The following PARD3 variants were observed in gnomAD, a reference collection of about 807,000 sequenced individuals.
The protein encoded by PARD3 is par-3 family cell polarity regulator, also known as partitioning defective 3 homolog.
In PARD3, 75 loss-of-function variants were observed where a neutral mutation model predicts 155.4. The ratio of observed to expected loss-of-function variants is 0.48; its 90% CI spans 0.40 to 0.58. The LOEUF is 0.58. PARD3 is among the 20% of genes least tolerant of loss of function. PARD3 has a pLI of 0.00. For missense variants in PARD3, 1,642 were observed against 1,721.7 expected, an observed-to-expected ratio of 0.95 and a Z score of 0.82; for synonymous variants, 576 against 610.5, an observed-to-expected ratio of 0.94 and a Z score of 0.83.
intron 12 of PARD3, among the ~76,000 whole-genome samples, chr10:34,362,046 C>A (rs184816259): frequency 1.3e-5 from 2 of 152,052 alleles, no homozygotes; most frequent in East Asian, 3.9e-4. Context: ...GGGAGGCCGA[C>A]GCAGGTGGAT....
chr10:34,423,067 C>T (rs2075403698), intron 5 of PARD3, among the ~76,000 whole-genome samples: 1 of 151,962 alleles, frequency 6.6e-6, no homozygotes, highest in Non-Finnish European at 1.5e-5. Context: ...TCAATAGACC[C>T]TGAATAAGAA....
At chr10:34,660,991 T>C (rs963638781) in intron 2 of PARD3, among the ~76,000 whole-genome samples, 2 of 152,186 alleles carry the variant, frequency 1.3e-5, no homozygotes, top group African/African-American at 2.4e-5. Context: ...GTAATGTAAA[T>C]AAATGTTACT....
At chr10:34,662,034 C>T (rs943202640) in intron 2 of PARD3, among the ~76,000 whole-genome samples, 1 of 152,152 alleles carries the variant, frequency 6.6e-6, no homozygotes, top group African/African-American at 2.4e-5. Flanking sequence ...CAGGCCTAAC[C>T]GTGAAGGCTA....
chr10:34,707,492 C>T (rs1020589276), intron 1 of PARD3, among the ~76,000 whole-genome samples: 1 of 152,068 alleles, frequency 6.6e-6, no homozygotes, highest in Non-Finnish European at 1.5e-5. Context: ...TTAAACTAGC[C>T]CTCCAGGTGT....
chr10:34,192,071 C>G (rs1363030884), intron 22 of PARD3, among the ~76,000 whole-genome samples: 1 of 151,868 alleles, frequency 6.6e-6, no homozygotes, highest in Non-Finnish European at 1.5e-5. Context: ...AAACCACTTT[C>G]CTGCTTGTTT....
rs150648422 is a variant in PARD3, at chr10:34,483,550, T to G, written c.404-13287A>C. Among the ~76,000 whole-genome samples the G allele has an allele frequency of 9.9e-5, 15 of 152,026 alleles. No homozygotes were observed. The East Asian group carries it at 2.9e-3, about 29-fold the overall frequency. On this transcript the variant is annotated intron_variant, in intron 3 of 24. Coordinates refer to ENST00000374788, the MANE Select transcript of PARD3 (RefSeq NM_001184785.2). ...GGGGGGAAGCTTATGCTATTGTTAT[T>G]TATAATATTGCTTTTCCTCATATAT...
chr10:34,558,450 A>C (rs748160810), intron 2 of PARD3, among the ~76,000 whole-genome samples: 2 of 152,236 alleles, frequency 1.3e-5, no homozygotes, highest in Non-Finnish European at 2.9e-5. Context: ...CAAAGTGTTA[A>C]GTCAACCATG....
At chr10:34,729,869 G>C (rs1019158848) in intron 1 of PARD3, among the ~76,000 whole-genome samples, 1 of 152,136 alleles carries the variant, frequency 6.6e-6, no homozygotes, top group Non-Finnish European at 1.5e-5. Context: ...TCCCCAGGGA[G>C]AGATTAAATT....
At chr10:34,361,561 A>C (rs1839442679) in intron 12 of PARD3, among the ~76,000 whole-genome samples, 1 of 152,226 alleles carries the variant, frequency 6.6e-6, no homozygotes, top group East Asian at 1.9e-4. Context: ...GAATGCAAGG[A>C]ATTTGGGGCA....
intron 1 of PARD3, among the ~76,000 whole-genome samples, chr10:34,801,091 A>C (rs1842803953): frequency 2.0e-5 from 3 of 152,248 alleles, no homozygotes; most frequent in Non-Finnish European, 4.4e-5. Context: ...TTTTGAAAGC[A>C]CCATTCATCA....
At chr10:34,529,116 T>C (rs1278364997) in intron 2 of PARD3, among the ~76,000 whole-genome samples, 1 of 152,154 alleles carries the variant, frequency 6.6e-6, no homozygotes, top group Non-Finnish European at 1.5e-5. Flanking sequence ...GGGACACAAC[T>C]GGAGATGGGA....
intron 1 of PARD3, among the ~76,000 whole-genome samples, chr10:34,711,711 C>T (rs911789545): frequency 3.9e-5 from 6 of 152,072 alleles, no homozygotes; most frequent in Admixed American, 2.6e-4. Context: ...AATAATACCC[C>T]TATTGGGTAT....
chr10:34,445,837 A>G (rs538694658), intron 5 of PARD3, among the ~76,000 whole-genome samples: 133 of 151,778 alleles, frequency 8.8e-4, no homozygotes, highest in Middle Eastern at 3.4e-3. Flanking sequence ...TCTGGTCGTC[A>G]CTCCCCATCC....
At chr10:34,712,157 G>A (rs1221209014) in intron 1 of PARD3, among the ~76,000 whole-genome samples, 2 of 152,164 alleles carry the variant, frequency 1.3e-5, no homozygotes, top group Non-Finnish European at 2.9e-5. Flanking sequence ...CTCTAGTCCC[G>A]ATGGATCTAA....
Position 34,787,833 on chromosome 10 carries a change from T to C in PARD3, c.120+27043A>G, listed in dbSNP as rs184262063. ...TCACTCTGTTGCCCAGGCTCTGGTG[T>C]ACAGTGGCGCAACCAGAGCTCTCTG... is the stretch of plus-strand genomic sequence containing the variant. On this transcript the variant is annotated intron_variant, in intron 1 of 24. Transcript: ENST00000374788. Among the ~76,000 whole-genome samples, 112 of 151,510 alleles carry C rather than the reference T, an allele frequency of 7.4e-4. 1 individual carries two copies. The East Asian group carries it at 8.4e-3, about 11-fold the overall frequency.
intron 22 of PARD3, among the ~76,000 whole-genome samples, chr10:34,199,082 C>A (rs1285641462): frequency 6.6e-6 from 1 of 152,142 alleles, no homozygotes; most frequent in Non-Finnish European, 1.5e-5. Flanking sequence ...GTGGACATTA[C>A]ATGGCAGGAT....
chr10:34,535,548 G>T (rs569837888), intron 2 of PARD3, among the ~76,000 whole-genome samples: 1 of 152,052 alleles, frequency 6.6e-6, no homozygotes, highest in Admixed American at 6.6e-5. Flanking sequence ...GTGCAGTGGC[G>T]CAATCTTAGC....
intron 1 of PARD3, among the ~76,000 whole-genome samples, chr10:34,697,892 G>C (rs959557653): frequency 6.6e-6 from 1 of 151,970 alleles, no homozygotes; most frequent in African/African-American, 2.4e-5. Flanking sequence ...CACTGAGACA[G>C]CTCCAGAATT....
intron 22 of PARD3, among the ~76,000 whole-genome samples, chr10:34,159,749 A>G (rs1588969534): frequency 1.3e-5 from 2 of 152,350 alleles, no homozygotes; most frequent in South Asian, 4.1e-4. Context: ...GGGCCTCACA[A>G]CAATTCTAGT....
Sources: allele counts gnomAD v4.1 joint callset (sites outside exome capture counted in the v4.1 genomes callset), GRCh38; gene constraint gnomAD v4.1.1; transcripts MANE v1.5; gene names NCBI Gene and HGNC (gene_info 2026-07-23, HGNC 2026-07-21).